The following PHACTR2 variants were observed in gnomAD, a reference collection of about 807,000 sequenced individuals.
The protein encoded by PHACTR2 is phosphatase and actin regulator 2.
Under a neutral mutation model 76.0 loss-of-function variants are expected in PHACTR2, and 30 were observed. That is an observed-to-expected ratio of 0.39 (90% CI 0.30 to 0.54). The LOEUF is 0.54. Ranked by LOEUF, PHACTR2 falls within the 20% of genes least tolerant of loss-of-function variation. The pLI is 0.61. For synonymous variants in PHACTR2, 292 were observed against 292.5 expected (o/e 1.00, Z 0.02); for missense variants, 696 against 781.1 (o/e 0.89, Z 1.30).
At chr6:143,756,437 T>C (rs1779298553) in intron 4 of PHACTR2, among the ~76,000 whole-genome samples, 2 of 150,888 alleles carry the variant, frequency 1.3e-5, no homozygotes, top group South Asian at 4.2e-4. Flanking sequence ...GGCTCACGCC[T>C]GTAATCCCAG....
At chr6:143,716,111 G>C (rs1345959563) in intron 2 of PHACTR2, among the ~76,000 whole-genome samples, 1 of 152,128 alleles carries the variant, frequency 6.6e-6, no homozygotes, top group African/African-American at 2.4e-5. Flanking sequence ...GATGTCACAG[G>C]CTGTCAGGAA....
At chr6:143,655,705 G>A (rs7752997) in intron 1 of PHACTR2, among the ~76,000 whole-genome samples, 2,342 of 152,288 alleles carry the variant, frequency 0.015, 42 homozygotes, top group African/African-American at 0.053. Context: ...GCAATGTAGT[G>A]TTTGCATTTA....
chr6:143,732,397 CTG>C (rs1242180244), intron 2 of PHACTR2, among the ~76,000 whole-genome samples: 10 of 152,214 alleles, frequency 6.6e-5, no homozygotes, highest in African/African-American at 2.4e-4. Context: ...TCTTTTATGA[CTG>C]ATATCTTTCA....
At chr6:143,781,359 T>A (rs887146333) in intron 9 of PHACTR2, among the ~76,000 whole-genome samples, 18 of 152,198 alleles carry the variant, frequency 1.2e-4, no homozygotes, top group African/African-American at 4.3e-4. Flanking sequence ...AATATTCCCT[T>A]CAAGGAAATA....
chr6:143,635,903 C>T (rs1340704901), intron 1 of PHACTR2, among the ~76,000 whole-genome samples: 2 of 152,154 alleles, frequency 1.3e-5, no homozygotes, highest in Non-Finnish European at 2.9e-5. Context: ...CTCTCCCCTT[C>T]CTAATTTATT....
rs2488100 is a variant in PHACTR2, at chr6:143,710,056, T to A, written c.47-1960T>A. ...CACAGGTTCTTCTATGGTGCTCGGC[T>A]GTAGTAGAGCAGTTATTGTCTAAAA... On this transcript the variant is annotated intron_variant, in intron 1 of 12. Coordinates refer to ENST00000440869, the MANE Select transcript of PHACTR2 (RefSeq NM_001100164.2). This position sits in a 1 kb window ranked among gnomAD's most constrained non-coding sequence, Gnocchi z 4.9. 6.6e-6 allele frequency among the ~76,000 whole-genome samples: 1 copy of A among 151,826 alleles called. No homozygotes were observed. The highest frequency in any genetic ancestry group is 1.5e-5 in the Non-Finnish European group (1 of 67,940).
At position 143,709,077 on chromosome 6, in the gene PHACTR2, C is replaced by T. The variant is rs551368297; in HGVS notation, c.47-2939C>T. On this transcript the variant is annotated intron_variant, in intron 1 of 12. Coordinates refer to ENST00000440869, the MANE Select transcript of PHACTR2 (RefSeq NM_001100164.2). The surrounding 1 kb of genome is among the most constrained non-coding windows in gnomAD (Gnocchi z 4.4). ...TCATGAAGAAGTAAAACCATACTCTCAGTTCCCCCTGGGTTTGCCCTCTGG... is the reference window on the plus strand; with the variant it reads ...TCATGAAGAAGTAAAACCATACTCTTAGTTCCCCCTGGGTTTGCCCTCTGG... 2.6e-5 allele frequency among the ~76,000 whole-genome samples: 4 copies of T among 152,308 alleles called. No individual in the cohort carries two copies. The highest frequency in any genetic ancestry group is 4.8e-5 in the African/African-American group (2 of 41,566).
intron 12 of PHACTR2, among the ~76,000 whole-genome samples, chr6:143,812,562 C>T (rs974558391): frequency 1.3e-5 from 2 of 152,112 alleles, no homozygotes; most frequent in Admixed American, 1.3e-4. Context: ...TCTAATTCTC[C>T]CAGTTTCTCC....
At position 143,816,145 on chromosome 6, in the gene PHACTR2, G is replaced by C. The variant is rs557005357; in HGVS notation, c.1923-7529G>C. Among the ~76,000 whole-genome samples the C allele has an allele frequency of 4.6e-5, 7 of 152,072 alleles. No homozygotes were observed. The highest frequency in any genetic ancestry group is 2.1e-4 in the South Asian group (1 of 4,804). On this transcript the variant is annotated intron_variant, in intron 12 of 12. Transcript: ENST00000440869. This position sits in a 1 kb window ranked among gnomAD's most constrained non-coding sequence, Gnocchi z 4.5. The stretch of plus-strand genomic sequence containing the variant: ...GTTCTGAAAAGAGGGTGGACAAAAG[G>C]CTTCAGTATCCTTAGGGCACAGTAA...
At position 143,587,454 on chromosome 6, in the gene PHACTR2, G is replaced by A. The variant is rs192473257; in HGVS notation, c.217+50247G>A. Among the ~76,000 whole-genome samples, 595 of 152,230 alleles carry A rather than the reference G, an allele frequency of 3.9e-3. 3 individuals are homozygous for A. Among genetic ancestry groups the A allele is most frequent in the Middle Eastern group, 0.034 (10 of 294 alleles). ...ATTTCCAAAGTCAACATACTAGAGC[G>A]ATACAATAATAATAATAAAAGCAAG... On this transcript the variant is annotated intron_variant, in intron 1 of 11. Transcript: ENST00000367584.
In PHACTR2 at chr6:143,818,992, T is replaced by C. The variant is rs957903703; in HGVS notation, c.1923-4682T>C. Among the ~76,000 whole-genome samples, 14 of 152,214 alleles carry C rather than the reference T, an allele frequency of 9.2e-5. No individual in the cohort carries two copies. Among genetic ancestry groups the C allele is most frequent in the Admixed American group, 8.5e-4 (13 of 15,284 alleles). ...TGTGGTTGACTCTTCCTAGAAAACA[T>C]TTTGGAATGTCCTGTCAGGTGGGTT... On this transcript the variant is annotated intron_variant, in intron 12 of 12. Transcript: ENST00000440869. This position sits in a 1 kb window ranked among gnomAD's most constrained non-coding sequence, Gnocchi z 4.9.
intron 12 of PHACTR2, chr6:143,810,656 C>T (rs1367855799): frequency 2.6e-6 from 1 of 377,560 alleles, no homozygotes; most frequent in African/African-American, 2.2e-5. Flanking sequence ...ATAGTGAGAC[C>T]CCATCTCTAG....
intron 1 of PHACTR2, among the ~76,000 whole-genome samples, chr6:143,545,022 C>T (rs1781212656): frequency 6.6e-6 from 1 of 151,916 alleles, no homozygotes; most frequent in African/African-American, 2.4e-5. Flanking sequence ...CAGCTCACTA[C>T]AACCTCTGCC....
At position 143,547,206 on chromosome 6, in the gene PHACTR2, C is replaced by T. The variant is rs889203779; in HGVS notation, c.217+9999C>T. The stretch of plus-strand genomic sequence containing the variant: ...AAGTTTTGTGACTAAAATATGTGAC[C>T]CATATTTTTATCCTCTTGCCCTAAC... On this transcript the variant is annotated intron_variant, in intron 1 of 11. Coordinates refer to the PHACTR2 transcript ENST00000367584. This position sits in a 1 kb window ranked among gnomAD's most constrained non-coding sequence, Gnocchi z 4.2. 1.3e-5 allele frequency among the ~76,000 whole-genome samples: 2 copies of T among 151,972 alleles called. No homozygotes were observed. The highest frequency in any genetic ancestry group is 6.6e-5 in the Admixed American group (1 of 15,264).
chr6:143,669,630 C>T (rs1365610803), intron 1 of PHACTR2, among the ~76,000 whole-genome samples: 1 of 151,970 alleles, frequency 6.6e-6, no homozygotes, highest in East Asian at 1.9e-4. Flanking sequence ...TATGTAATGG[C>T]CTTCTTTGTC....
rs1270483013 is a variant in PHACTR2, at chr6:143,684,717, T to G, written c.46+6508T>G. Among the ~76,000 whole-genome samples, 1 of 152,204 alleles carries G rather than the reference T, an allele frequency of 6.6e-6. No individual in the cohort carries two copies. On this transcript the variant is annotated intron_variant, in intron 1 of 12. Transcript: ENST00000440869. This position sits in a 1 kb window ranked among gnomAD's most constrained non-coding sequence, Gnocchi z 4.3. ...AGAATTAGAAGTCACTTCCTCTGGG[T>G]GAGGCAGCTAGCTCCACAGCACAGA...
Position 143,553,962 on chromosome 6 carries a change from G to T in PHACTR2, c.217+16755G>T, listed in dbSNP as rs1313688046. On this transcript the variant is annotated intron_variant, in intron 1 of 11. Transcript: ENST00000367584. This position sits in a 1 kb window ranked among gnomAD's most constrained non-coding sequence, Gnocchi z 4.2. ...GGCAGAGAGAAGAGCAAGGGCAAAG[G>T]CCCCAAGGAACAGAAAAGAATCCCG... Among the ~76,000 whole-genome samples the T allele has an allele frequency of 6.6e-6, 1 of 152,084 alleles. No individual in the cohort carries two copies. The highest frequency in any genetic ancestry group is 1.5e-5 in the Non-Finnish European group (1 of 68,012).
At chr6:143,590,534 T>A (rs572280411) in intron 1 of PHACTR2, among the ~76,000 whole-genome samples, 41 of 151,750 alleles carry the variant, frequency 2.7e-4, no homozygotes, top group Admixed American at 5.3e-4. Flanking sequence ...GAAAGCTAAT[T>A]ACAGCATCCT....
At position 143,649,039 on chromosome 6, in the gene PHACTR2, T is replaced by A. The variant is rs115205302; in HGVS notation, c.13+40717T>A. The stretch of plus-strand genomic sequence containing the variant: ...CTGTGTGTCTATGTGCATGACTGTG[T>A]GTGTCTGCATACACTCAAAATGCTT... On this transcript the variant is annotated intron_variant, in intron 1 of 11. Coordinates refer to the PHACTR2 transcript ENST00000305766. 2.9e-3 allele frequency among the ~76,000 whole-genome samples: 443 copies of A among 152,260 alleles called. 8 individuals carry two copies. The highest frequency in any genetic ancestry group is 0.01 in the African/African-American group (426 of 41,540).
Sources: gnomAD v4.1 joint callset for allele counts (sites outside exome capture counted in the v4.1 genomes callset) on GRCh38, gnomAD v4.1.1 for gene constraint, Gnocchi (gnomAD v3.1) non-coding constraint, MANE v1.5 for transcripts, NCBI Gene and HGNC (gene_info 2026-07-23, HGNC 2026-07-21) for gene names.